RBFOX1: variants seen among roughly 807,000 people sequenced by gnomAD.
The protein encoded by RBFOX1 is RNA binding protein fox-1 homolog 1.
RBFOX1 carries 8 observed loss-of-function variants against 57.7 expected under a neutral mutation model. The observed-to-expected ratio is 0.14, with a 90% CI of 0.08 to 0.25. The LOEUF (loss-of-function observed/expected upper bound fraction) is 0.25, where lower values mean the gene tolerates loss of function less well. Among genes scored for constraint, RBFOX1 ranks in the 10% least tolerant of loss-of-function variants. RBFOX1 has a pLI of 1.00. For synonymous variants in RBFOX1, 326 were observed against 222.4 expected (o/e 1.47, Z -4.15); for missense variants, 611 against 548.5 (o/e 1.11, Z -1.14).
At chr16:7,339,210 A>C (rs1410423601) in intron 4 of RBFOX1, among the ~76,000 whole-genome samples, 2 of 152,146 alleles carry the variant, frequency 1.3e-5, no homozygotes, top group Admixed American at 6.5e-5. Context: ...CTAGCTTGCA[A>C]AGTCACTGTG....
intron 1 of RBFOX1, among the ~76,000 whole-genome samples, chr16:6,060,148 T>G (rs1412097957): frequency 1.2e-5 from 1 of 86,188 alleles, no homozygotes; most frequent in Admixed American, 1.3e-4. Context: ...TTTTTTTTTT[T>G]TTTTTTTTTT....
At chr16:5,662,668 A>C (rs779115661) in intron 3 of RBFOX1, among the ~76,000 whole-genome samples, 1 of 152,212 alleles carries the variant, frequency 6.6e-6, no homozygotes, top group Non-Finnish European at 1.5e-5. Context: ...CACATGAAAT[A>C]TGGAGAATTG....
intron 2 of RBFOX1, among the ~76,000 whole-genome samples, chr16:5,521,279 G>A (rs1198621142): frequency 6.6e-6 from 1 of 151,230 alleles, no homozygotes. Context: ...CTTTCTCAAG[G>A]GAGGCCCCTC....
chr16:7,138,319 A>C (rs1422173267), intron 4 of RBFOX1, among the ~76,000 whole-genome samples: 1 of 152,210 alleles, frequency 6.6e-6, no homozygotes, highest in Admixed American at 6.5e-5. Context: ...ATGACTCATT[A>C]AATAAGACCA....
chr16:7,355,792 C>T (rs115610408), intron 4 of RBFOX1, among the ~76,000 whole-genome samples: 5 of 152,232 alleles, frequency 3.3e-5, no homozygotes, highest in Non-Finnish European at 7.3e-5. Flanking sequence ...CATCATCAAT[C>T]TTTTAAGTTT....
intron 2 of RBFOX1, among the ~76,000 whole-genome samples, chr16:6,537,076 A>G (rs933312030): frequency 2.6e-5 from 4 of 152,302 alleles, no homozygotes; most frequent in East Asian, 3.9e-4. Context: ...TATAGGAAAC[A>G]TGCTCTAATG....
chr16:6,794,909 A>G (rs1459083335), intron 3 of RBFOX1, among the ~76,000 whole-genome samples: 1 of 152,084 alleles, frequency 6.6e-6, no homozygotes, highest in East Asian at 1.9e-4. Flanking sequence ...CAACCCATTC[A>G]TTTCACAGAT....
intron 4 of RBFOX1, among the ~76,000 whole-genome samples, chr16:7,170,353 G>A (rs960702462): frequency 3.9e-5 from 6 of 151,998 alleles, no homozygotes; most frequent in Non-Finnish European, 7.4e-5. Flanking sequence ...GCTCACTGCC[G>A]CTTGAACTCC....
intron 3 of RBFOX1, among the ~76,000 whole-genome samples, chr16:6,776,309 G>A (rs899808365): frequency 1.3e-5 from 2 of 152,114 alleles, no homozygotes; most frequent in Non-Finnish European, 2.9e-5. Context: ...TACTCGGGGG[G>A]CTGAGGCAGG....
chr16:6,056,334 A>C (rs2095614242), intron 1 of RBFOX1, among the ~76,000 whole-genome samples: 1 of 152,174 alleles, frequency 6.6e-6, no homozygotes, highest in African/African-American at 2.4e-5. Context: ...GGTAAGCAAA[A>C]GATTCTAATG....
chr16:6,875,630 A>G (rs1459747733), intron 3 of RBFOX1, among the ~76,000 whole-genome samples: 4 of 152,242 alleles, frequency 2.6e-5, no homozygotes, highest in African/African-American at 7.2e-5. Flanking sequence ...GTTGATCCAC[A>G]TCTGGATAAA....
chr16:6,989,166 G>C (rs1323906444), intron 3 of RBFOX1, among the ~76,000 whole-genome samples: 1 of 152,176 alleles, frequency 6.6e-6, no homozygotes, highest in African/African-American at 2.4e-5. Context: ...ATAGTGCTGG[G>C]ATTTCAGGCC....
At chr16:6,828,660 C>G (rs765141108) in intron 3 of RBFOX1, among the ~76,000 whole-genome samples, 9 of 152,048 alleles carry the variant, frequency 5.9e-5, no homozygotes, top group Non-Finnish European at 7.4e-5. Flanking sequence ...TAGGATTCAC[C>G]TAGGACCTCA....
At chr16:5,314,756 C>G (rs778083502) in intron 1 of RBFOX1, among the ~76,000 whole-genome samples, 59 of 151,590 alleles carry the variant, frequency 3.9e-4, no homozygotes, top group Non-Finnish European at 4.1e-4. Context: ...CTGCTTTGGC[C>G]TCTCAAAGTG....
intron 4 of RBFOX1, among the ~76,000 whole-genome samples, chr16:5,978,718 G>C (rs985672448): frequency 1.3e-5 from 2 of 150,838 alleles, no homozygotes; most frequent in Non-Finnish European, 2.9e-5. Flanking sequence ...AATGATGACA[G>C]TGTTGAGGGG....
At chr16:5,714,122 TCCAC>T (rs2051599599) in intron 3 of RBFOX1, among the ~76,000 whole-genome samples, 1 of 152,218 alleles carries the variant, frequency 6.6e-6, no homozygotes, top group Non-Finnish European at 1.5e-5. Flanking sequence ...ATCTTGCATT[TCCAC>T]CATATCTGTT....
intron 10 of RBFOX1, among the ~76,000 whole-genome samples, chr16:7,621,256 C>A (rs1235925393): frequency 6.6e-6 from 1 of 151,932 alleles, no homozygotes; most frequent in Non-Finnish European, 1.5e-5. Context: ...TATGGAATAA[C>A]TTTTTGAATT....
chr16:5,994,427 G>A (rs1033129057), intron 4 of RBFOX1, among the ~76,000 whole-genome samples: 10 of 152,192 alleles, frequency 6.6e-5, no homozygotes, highest in African/African-American at 1.9e-4. Flanking sequence ...TTCCCAAAGT[G>A]CTGGGATTAC....
At chr16:5,838,934 T>A (rs2151842388) in intron 3 of RBFOX1, among the ~76,000 whole-genome samples, 1 of 152,310 alleles carries the variant, frequency 6.6e-6, no homozygotes, top group South Asian at 2.1e-4. Context: ...GGTGTGCTTC[T>A]CAGCTGGAGG....
Sources: allele counts gnomAD v4.1 joint callset (sites outside exome capture counted in the v4.1 genomes callset), GRCh38; gene constraint gnomAD v4.1.1; transcripts MANE v1.5; gene names NCBI Gene and HGNC (gene_info 2026-07-23, HGNC 2026-07-21).